Variants in EFCAB6 observed in about 807,000 individuals in gnomAD.
EFCAB6 encodes the protein EF-hand calcium-binding domain-containing protein 6.
EFCAB6 carries 156 observed loss-of-function variants against 169.8 expected under a neutral mutation model. The observed-to-expected ratio is 0.92, with a 90% CI of 0.81 to 1.05. The LOEUF is 1.05. EFCAB6 is among the 50% of genes least tolerant of loss of function. The probability of loss-of-function intolerance (pLI) is 0.00; values close to 1 mark genes in which losing one functional copy is unlikely to be tolerated. For missense variants in EFCAB6, 1,800 were observed against 1,829.1 expected (o/e 0.98, Z 0.29); for synonymous variants, 698 against 676.4 (o/e 1.03, Z -0.50).
intron 30 of EFCAB6, among the ~76,000 whole-genome samples, chr22:43,533,806 G>A (rs2047222431): frequency 1.3e-5 from 2 of 152,208 alleles, no homozygotes; most frequent in Admixed American, 6.5e-5. Flanking sequence ...GATCATCTGA[G>A]TAGGGTCTAT....
At chr22:43,651,190 A>G (rs537482315) in intron 17 of EFCAB6, among the ~76,000 whole-genome samples, 3 of 152,262 alleles carry the variant, frequency 2.0e-5, no homozygotes, top group Non-Finnish European at 4.4e-5. Flanking sequence ...GAGGTCTAGG[A>G]GGAAAAAGCA....
At chr22:43,615,555 T>A (rs1339963273) in intron 21 of EFCAB6, among the ~76,000 whole-genome samples, 2 of 152,226 alleles carry the variant, frequency 1.3e-5, no homozygotes, top group Non-Finnish European at 2.9e-5. Context: ...ACCAACCAAA[T>A]AAATTTTTAA....
intron 26 of EFCAB6, among the ~76,000 whole-genome samples, chr22:43,575,737 T>TA (rs1474043971): frequency 6.6e-6 from 1 of 152,224 alleles, no homozygotes; most frequent in East Asian, 1.9e-4. Context: ...GAGTCAGGCT[T>TA]ACAAACCAGC....
chr22:43,581,111 T>A (rs1416143709), intron 24 of EFCAB6, among the ~76,000 whole-genome samples: 1 of 152,090 alleles, frequency 6.6e-6, no homozygotes, highest in South Asian at 2.1e-4. Flanking sequence ...GAAGTGAGAC[T>A]GTGGGGTGGT....
At chr22:43,603,747 C>A (rs569902155) in intron 22 of EFCAB6, among the ~76,000 whole-genome samples, 4 of 152,370 alleles carry the variant, frequency 2.6e-5, no homozygotes, top group African/African-American at 9.6e-5. Flanking sequence ...CCTCATGCAG[C>A]TGGGGACACA....
At chr22:43,802,473 G>A (rs2062758934) in intron 2 of EFCAB6, 1 of 235,516 alleles carries the variant, frequency 4.2e-6, no homozygotes, top group South Asian at 5.5e-5. Context: ...AGAGGTTGCA[G>A]TGAGCCTAGA....
rs745593102 is a variant in EFCAB6 at position 43,672,098 on chromosome 22, G to T, written c.1515C>A (p.Asn505Lys). ...GTAGCATGTTATAAAAAGCTTGTAG[G>T]TTCCTAGTAATTGTATCATGAACAA... ...EEIVHDTITR[N>K]LQAFYNMLRS... The change falls in exon 15 of 32, where the codon AAC (asparagine) becomes AAA (lysine). Residue 505 changes from asparagine (N) to lysine (K), a missense_variant. Asn to Lys is a moderately conservative substitution (Grantham distance 94). Coordinates refer to ENST00000262726, the MANE Select transcript of EFCAB6 (RefSeq NM_022785.4). 1.9e-6 allele frequency: 3 copies of T among 1,613,794 alleles called. No homozygotes were observed. The highest frequency in any genetic ancestry group is 1.7e-5 in the Admixed American group (1 of 59,942).
intron 24 of EFCAB6, among the ~76,000 whole-genome samples, chr22:43,589,213 G>A (rs941542655): frequency 7.1e-6 from 1 of 140,072 alleles, no homozygotes; most frequent in South Asian, 2.3e-4. Flanking sequence ...TCAGGAGATC[G>A]AGACCATCCT....
intron 2 of EFCAB6, among the ~76,000 whole-genome samples, chr22:43,785,764 A>G (rs1205010653): frequency 6.6e-6 from 1 of 152,160 alleles, no homozygotes; most frequent in Non-Finnish European, 1.5e-5. Flanking sequence ...ACCAGCCAAA[A>G]ACAATGAGAA....
intron 2 of EFCAB6, among the ~76,000 whole-genome samples, chr22:43,798,284 G>A (rs964250066): frequency 6.6e-6 from 1 of 151,950 alleles, no homozygotes; most frequent in African/African-American, 2.4e-5. Context: ...CTTGGGAGGC[G>A]GAGGTTGCAG....
intron 23 of EFCAB6, among the ~76,000 whole-genome samples, chr22:43,599,605 T>C (rs540997312): frequency 4.1e-5 from 6 of 147,860 alleles, no homozygotes; most frequent in African/African-American, 1.5e-4. Context: ...TTCTGAATTA[T>C]TTCTTCGGGA....
chr22:43,772,974 A>G lies in EFCAB6; in HGVS notation c.269T>C (p.Val90Ala). Reference sequence around the variant, plus strand: ...GATTCTTCTCAGTTCACTTTTTGACACAGTCAAGTTCTGACCAGTATCCAG... The same window carrying G: ...GATTCTTCTCAGTTCACTTTTTGACGCAGTCAAGTTCTGACCAGTATCCAG... Reference protein sequence around the residue: ...QLLDTGQNLTVSKSELRRIIT... With the variant: ...QLLDTGQNLTASKSELRRIIT... Residue 90 changes from valine (V) to alanine (A), a missense_variant, in exon 4 of 32, where the codon GTG (valine) becomes GCG (alanine). Transcript: ENST00000262726. The G allele has an allele frequency of 6.2e-7, 1 of 1,614,228 alleles. No homozygotes were observed. The highest frequency in any genetic ancestry group is 8.5e-7 in the Non-Finnish European group (1 of 1,180,032).
intron 2 of EFCAB6, among the ~76,000 whole-genome samples, chr22:43,793,369 C>T (rs1024080183): frequency 1.3e-5 from 2 of 152,064 alleles, no homozygotes; most frequent in African/African-American, 4.8e-5. Flanking sequence ...TCCAAAGGGC[C>T]AGATCTGGAT....
At chr22:43,736,068 G>T in intron 6 of EFCAB6, 75 bp from the exon 7 acceptor site, 1 of 1,376,616 alleles carries the variant, frequency 7.3e-7, no homozygotes, top group Non-Finnish European at 9.6e-7. Flanking sequence ...AAATGTGAAA[G>T]TTTTTTTTAA....
chr22:43,771,806 T>C (rs2061478568), intron 4 of EFCAB6, among the ~76,000 whole-genome samples: 1 of 152,160 alleles, frequency 6.6e-6, no homozygotes, highest in African/African-American at 2.4e-5. Flanking sequence ...GCCTCTAGGA[T>C]AAATGTCGAA....
intron 10 of EFCAB6, among the ~76,000 whole-genome samples, chr22:43,710,538 T>C (rs1296400363): frequency 6.6e-6 from 1 of 152,228 alleles, no homozygotes; most frequent in African/African-American, 2.4e-5. Flanking sequence ...AGGGAAAGAA[T>C]CAAGGCTATC....
chr22:43,755,600 A>G (rs2060928407), intron 6 of EFCAB6, among the ~76,000 whole-genome samples, 166 bp downstream of exon 6: 1 of 152,222 alleles, frequency 6.6e-6, no homozygotes, highest in Non-Finnish European at 1.5e-5. Flanking sequence ...TCGGAATACA[A>G]GCTTTCGCAC....
At position 43,561,366 on chromosome 22, in the gene EFCAB6, A is replaced by G. The variant is rs113021821; in HGVS notation, c.3421-6270T>C. Among the ~76,000 whole-genome samples, 249 of 151,868 alleles carry G rather than the reference A, an allele frequency of 1.6e-3. 1 individual carries two copies. Among genetic ancestry groups the G allele is most frequent in the African/African-American group, 5.4e-3 (224 of 41,464 alleles). On this transcript the variant is annotated intron_variant, in intron 26 of 31. Coordinates refer to ENST00000262726, the MANE Select transcript of EFCAB6 (RefSeq NM_022785.4). ...AGCGAGACTCTGTCTCAAAAAAAAA[A>G]AAAGAAAGAAAGAAAGAAAGAAAAC...
chr22:43,804,758 CAA>C (rs57008458), intron 2 of EFCAB6, among the ~76,000 whole-genome samples: 39,206 of 126,888 alleles, frequency 0.31, 5,857 homozygotes, highest in Middle Eastern at 0.41. Context: ...AGCCCTGCCT[CAA>C]AAAAAAAAAA....
Sources: gnomAD v4.1 joint callset for allele counts (sites outside exome capture counted in the v4.1 genomes callset) on GRCh38, gnomAD v4.1.1 for gene constraint, MANE v1.5 for transcripts, NCBI Gene and HGNC (gene_info 2026-07-23, HGNC 2026-07-21) for gene names.